MAF: variants seen among roughly 807,000 people sequenced by gnomAD.
MAF encodes the protein transcription factor Maf.
MAF carries 10 observed loss-of-function variants against 22.0 expected under a neutral mutation model. The observed-to-expected ratio is 0.45, with a 90% CI of 0.28 to 0.77. MAF has a LOEUF of 0.77. Ranked by LOEUF, MAF falls within the 30% of genes least tolerant of loss-of-function variation. The pLI, the probability that MAF is intolerant of heterozygous loss-of-function variation, is 0.12. For missense variants in MAF, 544 were observed against 548.4 expected, an observed-to-expected ratio of 0.99 and a Z score of 0.08; for synonymous variants, 337 against 255.8, an observed-to-expected ratio of 1.32 and a Z score of -3.03.
chr16:79,292,403 G>A, the MAF span, among the ~76,000 whole-genome samples: 1 of 152,152 alleles, frequency 6.6e-6, no homozygotes, highest in South Asian at 2.1e-4. Context: ...TCTTTTCCGA[G>A]AGCCTGAAGA....
chr16:79,540,787 T>C, the MAF span, among the ~76,000 whole-genome samples: 1 of 152,148 alleles, frequency 6.6e-6, no homozygotes, highest in Non-Finnish European at 1.5e-5. Context: ...CTCTGACATG[T>C]GGGGAAAACA....
the MAF span, among the ~76,000 whole-genome samples, chr16:79,215,820 G>C: frequency 2.6e-5 from 4 of 152,152 alleles, no homozygotes; most frequent in South Asian, 2.1e-4. Context: ...GTCTGTAGGA[G>C]TCCTCACAAA....
the MAF span, among the ~76,000 whole-genome samples, chr16:79,482,465 A>G: frequency 1.3e-5 from 2 of 152,174 alleles, no homozygotes; most frequent in African/African-American, 2.4e-5. Flanking sequence ...CTGGATGCCA[A>G]GTGATGCTAT....
chr16:79,599,886 G>A lies in MAF; in HGVS notation c.17C>T (p.Ala6Val), dbSNP rs1394443602. MASEL[A>V]MSNSDLPTSP... Reference sequence around the variant, plus strand: ...GGTGGGCAGGTCGGAGTTGCTCATTGCCAGTTCTGATGCCATTCTCCTGCC... The same window carrying A: ...GGTGGGCAGGTCGGAGTTGCTCATTACCAGTTCTGATGCCATTCTCCTGCC... The change falls in exon 1 of 2, where the codon GCA becomes GTA. Residue 6 changes from alanine (A) to valine (V), a missense_variant. Physicochemically the swap from Ala to Val is moderately conservative, Grantham distance 64. This residue lies in a region of MAF where 63 missense variants were observed against 72.7 expected (regional missense o/e 0.87). Transcript: ENST00000326043. The A allele has an allele frequency of 4.4e-6, 7 of 1,601,816 alleles. No homozygotes were observed. The highest frequency in any genetic ancestry group is 5.9e-6 in the Non-Finnish European group (7 of 1,179,280).
chr16:79,420,126 G>C, the MAF span, among the ~76,000 whole-genome samples: 3 of 152,172 alleles, frequency 2.0e-5, no homozygotes, highest in East Asian at 1.9e-4. Flanking sequence ...ACACGCCTGT[G>C]GATTTGGGAG....
At chr16:79,573,701 A>AG in the MAF span, among the ~76,000 whole-genome samples, 1 of 152,224 alleles carries the variant, frequency 6.6e-6, no homozygotes, top group Admixed American at 6.5e-5. Flanking sequence ...AACCAGTCAG[A>AG]GAAAAAAAGA....
the MAF span, among the ~76,000 whole-genome samples, chr16:79,234,684 G>C: frequency 2.6e-5 from 4 of 152,130 alleles, no homozygotes; most frequent in Admixed American, 6.6e-5. Context: ...AAAGCAGGTA[G>C]TGGTAGCCCC....
At chr16:79,593,424 T>G (rs1913302162), downstream of MAF, among the ~76,000 whole-genome samples, 1 of 152,088 alleles carries the variant, frequency 6.6e-6, no homozygotes, top group African/African-American at 2.4e-5. Flanking sequence ...AAACTGGCAG[T>G]GTGGCAAGGG....
chr16:79,340,779 A>G, the MAF span, among the ~76,000 whole-genome samples: 3 of 152,102 alleles, frequency 2.0e-5, no homozygotes, highest in African/African-American at 4.8e-5. Flanking sequence ...TGTGATGACT[A>G]AAAATGTCTT....
At chr16:79,387,041 T>C in the MAF span, among the ~76,000 whole-genome samples, 1 of 152,202 alleles carries the variant, frequency 6.6e-6, no homozygotes, top group African/African-American at 2.4e-5. Flanking sequence ...CCAGAATAAC[T>C]GTCTACTCAA....
At chr16:79,290,945 A>G in the MAF span, among the ~76,000 whole-genome samples, 2 of 152,068 alleles carry the variant, frequency 1.3e-5, no homozygotes, top group Admixed American at 6.5e-5. Flanking sequence ...CCAATTTTAC[A>G]TGCTTCCTCC....
the MAF span, among the ~76,000 whole-genome samples, chr16:79,327,374 T>C: frequency 6.6e-6 from 1 of 152,188 alleles, no homozygotes; most frequent in Non-Finnish European, 1.5e-5. Flanking sequence ...TTGTGCTTTA[T>C]ATTCTTAAAG....
chr16:79,273,948 CCTTTTT>C, the MAF span, among the ~76,000 whole-genome samples: 23 of 110,804 alleles, frequency 2.1e-4, no homozygotes, highest in Non-Finnish European at 1.5e-4. Context: ...TTCGTGTCTG[CCTTTTT>C]TTTTTTTTTT....
At chr16:79,417,729 T>C in the MAF span, among the ~76,000 whole-genome samples, 1 of 152,148 alleles carries the variant, frequency 6.6e-6, no homozygotes, top group South Asian at 2.1e-4. Flanking sequence ...TCAGAGTGTT[T>C]TCTCTTGTTG....
the MAF span, among the ~76,000 whole-genome samples, chr16:79,557,179 C>A: frequency 5.6e-5 from 5 of 88,630 alleles, no homozygotes; most frequent in East Asian, 7.9e-4. Context: ...TTTTTTTATT[C>A]AATTCCATTG....
the MAF span, among the ~76,000 whole-genome samples, chr16:79,479,381 T>A: frequency 2.0e-5 from 3 of 152,240 alleles, no homozygotes; most frequent in South Asian, 6.2e-4. Flanking sequence ...TTCCCGGATA[T>A]GTGTTTTCTG....
the MAF span, among the ~76,000 whole-genome samples, chr16:79,218,041 C>T: frequency 3.7e-5 from 5 of 134,856 alleles, no homozygotes; most frequent in Non-Finnish European, 7.7e-5. Context: ...ATAGCAATAC[C>T]CTGTCTATTA....
At chr16:79,562,774 A>T in the MAF span, among the ~76,000 whole-genome samples, 2 of 152,144 alleles carry the variant, frequency 1.3e-5, no homozygotes, top group African/African-American at 4.8e-5. Context: ...TCCTAGGAAA[A>T]CAAGTGGAAG....
At chr16:79,236,759 C>G in the MAF span, among the ~76,000 whole-genome samples, 2 of 151,862 alleles carry the variant, frequency 1.3e-5, no homozygotes, top group African/African-American at 4.8e-5. Flanking sequence ...ATTGAAGAAA[C>G]AGGAGCTGAT....
Sources: allele counts gnomAD v4.1 joint callset (sites outside exome capture counted in the v4.1 genomes callset), GRCh38; gene constraint gnomAD v4.1.1; regional missense constraint gnomAD v4.1.1; transcripts MANE v1.5; gene names NCBI Gene and HGNC (gene_info 2026-07-23, HGNC 2026-07-21).